The following SPAG9 variants were observed in gnomAD, a reference collection of about 807,000 sequenced individuals.
SPAG9 encodes sperm associated antigen 9, also known as C-Jun-amino-terminal kinase-interacting protein 4.
A neutral mutation model predicts 166.5 loss-of-function variants in SPAG9; 35 were observed. The ratio of observed to expected loss-of-function variants is 0.21; its 90% CI spans 0.16 to 0.28. SPAG9 has a LOEUF of 0.28. SPAG9 is among the 10% of genes least tolerant of loss of function. The pLI, the probability that SPAG9 is intolerant of heterozygous loss-of-function variation, is 1.00. For missense variants in SPAG9, 1,235 were observed against 1,603.3 expected, an observed-to-expected ratio of 0.77 and a Z score of 3.92; for synonymous variants, 534 against 565.5, an observed-to-expected ratio of 0.94 and a Z score of 0.79.
At chr17:51,000,751 G>GAATA (rs1051973001) in intron 13 of SPAG9, among the ~76,000 whole-genome samples, 5 of 133,400 alleles carry the variant, frequency 3.7e-5, no homozygotes, top group Admixed American at 7.5e-5. Flanking sequence ...CTCAATAAAT[G>GAATA]AATGAATAAA....
intron 2 of SPAG9, among the ~76,000 whole-genome samples, chr17:51,078,798 G>T (rs183172274): frequency 7.3e-5 from 11 of 151,432 alleles, no homozygotes. Flanking sequence ...ATTAAAAAAA[G>T]GAGCAAAAAA....
intron 3 of SPAG9, among the ~76,000 whole-genome samples, chr17:51,049,363 C>CAA (rs982451903): frequency 1.5e-5 from 2 of 132,134 alleles, no homozygotes; most frequent in Admixed American, 7.7e-5. Flanking sequence ...TGAGACCCCT[C>CAA]AAAAAAAAAA....
intron 1 of SPAG9, among the ~76,000 whole-genome samples, chr17:51,109,696 T>C (rs1272149867): frequency 1.3e-5 from 2 of 152,096 alleles, no homozygotes; most frequent in Non-Finnish European, 2.9e-5. Context: ...TTAGATGATA[T>C]TACAAAGGTT....
rs555744244 is a variant in SPAG9 at position 50,977,800 on chromosome 17, C to G, written c.3410-579G>C. 2.0e-3 allele frequency among the ~76,000 whole-genome samples: 297 copies of G among 152,284 alleles called. 1 individual carries two copies. The highest frequency in any genetic ancestry group is 6.9e-3 in the African/African-American group (288 of 41,576). ...GTGGGAGGCTGAGGTGGGAGGGTCA[C>G]TTGAGCGCAGGAGTTTGAGGCTGCT... is the stretch of plus-strand genomic sequence containing the variant. On this transcript the variant is annotated intron_variant, in intron 26 of 29. Coordinates refer to ENST00000262013, the MANE Select transcript of SPAG9 (RefSeq NM_001130528.3).
At chr17:51,024,705 C>A (rs1177064146) in intron 6 of SPAG9, among the ~76,000 whole-genome samples, 1 of 140,522 alleles carries the variant, frequency 7.1e-6, no homozygotes, top group Non-Finnish European at 1.5e-5. Flanking sequence ...AAGAGCAAGA[C>A]TCTGTCTCAA....
At chr17:51,015,885 T>G (rs186762912) in intron 8 of SPAG9, among the ~76,000 whole-genome samples, 54 of 152,050 alleles carry the variant, frequency 3.6e-4, no homozygotes, top group African/African-American at 1.2e-3. Flanking sequence ...AAGAAAGAGA[T>G]AAAATTTCCC....
intron 1 of SPAG9, among the ~76,000 whole-genome samples, chr17:51,097,964 A>G (rs2048691830): frequency 6.6e-6 from 1 of 152,152 alleles, no homozygotes; most frequent in African/African-American, 2.4e-5. Context: ...TTGGGACTAC[A>G]GGCACATGCC....
intron 25 of SPAG9, 147 bp from the exon 26 acceptor site, chr17:50,980,064 G>A (rs761601222): frequency 9.8e-6 from 7 of 716,770 alleles, no homozygotes; most frequent in Non-Finnish European, 1.4e-5. Context: ...ATACACAATT[G>A]TTTTCATCCT....
At chr17:50,973,546 T>TAA (rs1008571631) in intron 28 of SPAG9, among the ~76,000 whole-genome samples, 9 of 152,294 alleles carry the variant, frequency 5.9e-5, no homozygotes, top group Middle Eastern at 3.4e-3. Context: ...CCCATGTACA[T>TAA]AAAATCATTT....
chr17:50,989,443 A>G, intron 21 of SPAG9: 1 of 565,508 alleles, frequency 1.8e-6, no homozygotes, highest in Non-Finnish European at 3.1e-6. Context: ...GCATGATTAT[A>G]CTTTTATAGA....
chr17:51,060,355 T>C (rs993394101), intron 2 of SPAG9, among the ~76,000 whole-genome samples: 1 of 151,638 alleles, frequency 6.6e-6, no homozygotes, highest in African/African-American at 2.4e-5. Context: ...ATACAAAAAT[T>C]AGCCAGGCGT....
intron 1 of SPAG9, among the ~76,000 whole-genome samples, chr17:51,097,482 T>C (rs1388069983): frequency 2.6e-5 from 4 of 151,904 alleles, no homozygotes; most frequent in African/African-American, 9.7e-5. Context: ...GAATTCAAGA[T>C]CAGCCTGGGC....
chr17:51,037,691 T>TATATATATATATATATA (rs1179792305), intron 5 of SPAG9, among the ~76,000 whole-genome samples: 36 of 90,654 alleles, frequency 4.0e-4, no homozygotes, highest in Non-Finnish European at 6.2e-4. Context: ...ATATAGTGTG[T>TATATATATATATATATA]GTGTGTGTGT....
rs1265708309 is a variant in SPAG9, at chr17:50,966,004, T to C, written c.*268A>G. On this transcript the variant is annotated 3_prime_UTR_variant, in exon 30 of 30. Coordinates refer to ENST00000262013, the MANE Select transcript of SPAG9 (RefSeq NM_001130528.3). ...AGAGTAAACCACATCTGGATTGCTT[T>C]CTATAATTCACCAGTTTGCAGGAAG... 2.7e-5 allele frequency: 10 copies of C among 365,682 alleles called. No individual in the cohort carries two copies. Among genetic ancestry groups the C allele is most frequent in the South Asian group, 2.0e-4 (6 of 29,716 alleles). The allele number at this position is 365,682 out of a possible 1,614,324, so 22.7% of individuals were successfully genotyped here.
intron 26 of SPAG9, 43 bp from the exon 27 acceptor site, chr17:50,977,264 G>A (rs759811298): frequency 1.9e-5 from 23 of 1,236,592 alleles, no homozygotes; most frequent in Non-Finnish European, 2.6e-5. Context: ...AACTAAAGCA[G>A]ACAGTGTTTT....
At chr17:51,010,600 T>TAC (rs36018106) in intron 9 of SPAG9, among the ~76,000 whole-genome samples, 8,016 of 145,412 alleles carry the variant, frequency 0.055, 268 homozygotes, top group Non-Finnish European at 0.08. Context: ...TATATATATA[T>TAC]ACATATATGT....
At chr17:51,103,426 TA>T (rs774597191) in intron 1 of SPAG9, among the ~76,000 whole-genome samples, 11 of 151,944 alleles carry the variant, frequency 7.2e-5, no homozygotes, top group Non-Finnish European at 1.6e-4. Flanking sequence ...GAAAGATAAA[TA>T]AAATAAGGCA....
At chr17:50,995,802 T>C (rs887960283) in intron 16 of SPAG9, 6 of 354,602 alleles carry the variant, frequency 1.7e-5, no homozygotes, top group Non-Finnish European at 3.1e-5. Flanking sequence ...TAGCTGGGAC[T>C]ACAGGCACAG....
chr17:50,982,712 C>T (rs1974749870), intron 24 of SPAG9, 40 bp from the exon 25 acceptor site: 3 of 1,519,940 alleles, frequency 2.0e-6, no homozygotes, highest in Admixed American at 4.4e-5. Context: ...TACATACCAC[C>T]TGTTACTCAA....
Sources: allele counts gnomAD v4.1 joint callset (sites outside exome capture counted in the v4.1 genomes callset), GRCh38; gene constraint gnomAD v4.1.1; transcripts MANE v1.5; gene names NCBI Gene and HGNC (gene_info 2026-07-23, HGNC 2026-07-21).